UPRT: variants seen among roughly 807,000 people sequenced by gnomAD.
UPRT encodes the protein RP11-311P8.3.
UPRT carries 5 observed loss-of-function variants against 22.6 expected under a neutral mutation model. That is an observed-to-expected ratio of 0.22 (90% CI 0.12 to 0.47). UPRT has a LOEUF of 0.47. Among genes scored for constraint, UPRT ranks in the 20% least tolerant of loss-of-function variants. The pLI is 0.99. For synonymous variants in UPRT, 77 were observed against 87.7 expected (o/e 0.88, Z 0.68); for missense variants, 181 against 239.9 (o/e 0.75, Z 1.62).
At chrX:75,219,340 G>A (rs933985918) in intron 4 of UPRT, among the ~76,000 whole-genome samples, 2 of 112,234 alleles carry the variant, frequency 1.8e-5, no homozygotes, top group African/African-American at 6.5e-5. Flanking sequence ...AGGTAAAGAG[G>A]TGTGAATTCC....
At chrX:75,167,733 G>T (rs2082216606) in intron 3 of UPRT, among the ~76,000 whole-genome samples, 1 of 108,970 alleles carries the variant, frequency 9.2e-6, no homozygotes, top group African/African-American at 3.4e-5. Flanking sequence ...ATTTTAACAG[G>T]GTTTTTTGGT....
intron 4 of UPRT, among the ~76,000 whole-genome samples, chrX:75,225,323 C>CACACA (rs2082420732): frequency 1.3e-4 from 11 of 82,041 alleles, no homozygotes; most frequent in African/African-American, 3.1e-4. Flanking sequence ...AAACCAAAAA[C>CACACA]CACACACACA....
chrX:75,245,628 CAT>C (rs1439211259), intron 4 of UPRT, among the ~76,000 whole-genome samples: 1 of 112,281 alleles, frequency 8.9e-6, no homozygotes, highest in Non-Finnish European at 1.9e-5. Context: ...AGAATGACAT[CAT>C]GTGCTTTGCA....
intron 4 of UPRT, among the ~76,000 whole-genome samples, chrX:75,239,665 C>T (rs1245201025): frequency 1.8e-5 from 2 of 111,038 alleles, no homozygotes; most frequent in Non-Finnish European, 3.8e-5. Flanking sequence ...TACTACAGAC[C>T]AATATCCTGA....
intron 4 of UPRT, among the ~76,000 whole-genome samples, chrX:75,216,531 A>G (rs985725226): frequency 2.7e-5 from 3 of 112,319 alleles, no homozygotes; most frequent in Non-Finnish European, 5.6e-5. Flanking sequence ...TATAGAAGAT[A>G]AAAGCATTAA....
At chrX:75,248,998 C>G (rs1319705576) in intron 4 of UPRT, among the ~76,000 whole-genome samples, 1 of 111,317 alleles carries the variant, frequency 9.0e-6, no homozygotes, top group Non-Finnish European at 1.9e-5. Context: ...ACTTTACAGA[C>G]AAGCAAATGC....
intron 5 of UPRT, among the ~76,000 whole-genome samples, chrX:75,300,352 A>G (rs1413973653): frequency 8.9e-6 from 1 of 111,773 alleles, no homozygotes; most frequent in African/African-American, 3.3e-5. Flanking sequence ...TACCTCATAT[A>G]CTAAATGAAT....
chrX:75,177,245 A>AGTTTTCC, intron 4 of UPRT, among the ~76,000 whole-genome samples: 2 of 106,003 alleles, frequency 1.9e-5, no homozygotes, highest in African/African-American at 7.3e-5. Context: ...CAGCAGAAAC[A>AGTTTTCC]ACCCCTGCCC....
intron 4 of UPRT, among the ~76,000 whole-genome samples, chrX:75,198,207 T>A (rs1415986070): frequency 8.9e-6 from 1 of 112,683 alleles, no homozygotes; most frequent in Admixed American, 9.3e-5. Flanking sequence ...TGGAGGCATC[T>A]CCCAGACGTT....
At chrX:75,250,491 C>G (rs1243064414) in intron 4 of UPRT, among the ~76,000 whole-genome samples, 1 of 111,772 alleles carries the variant, frequency 8.9e-6, no homozygotes, top group Non-Finnish European at 1.9e-5. Flanking sequence ...GACACATACA[C>G]CCTCCCAAGA....
rs755935068 is a variant in UPRT, at chrX:75,257,818, C to T, written c.-446-33206C>T. The stretch of plus-strand genomic sequence containing the variant: ...TTGCAAGATGGCCAAATAGGAGCAG[C>T]TCCAGTCTGCAGCTCCCAATGAGAT... On this transcript the variant is annotated intron_variant, in intron 4 of 13. Coordinates refer to the UPRT transcript ENST00000652605. 1.2e-4 allele frequency among the ~76,000 whole-genome samples: 13 copies of T among 111,383 alleles called. No homozygotes were observed. In the South Asian group the frequency reaches 4.6e-3, roughly 40 times the overall value.
intron 4 of UPRT, among the ~76,000 whole-genome samples, chrX:75,206,215 C>T (rs1163832024): frequency 9.0e-6 from 1 of 110,823 alleles, no homozygotes; most frequent in Non-Finnish European, 1.9e-5. Flanking sequence ...TGTGCCTTTT[C>T]GGTGGTGGTA....
At chrX:75,228,966 A>T (rs190693116) in intron 4 of UPRT, among the ~76,000 whole-genome samples, 1 of 112,335 alleles carries the variant, frequency 8.9e-6, no homozygotes, top group African/African-American at 3.2e-5. Flanking sequence ...TCAAACTCAT[A>T]GAAGCTGAGA....
At chrX:75,265,530 T>A (rs1347092784) in intron 4 of UPRT, among the ~76,000 whole-genome samples, 1 of 112,415 alleles carries the variant, frequency 8.9e-6, no homozygotes, top group Non-Finnish European at 1.9e-5. Context: ...TTCAGCTCTG[T>A]CAGGTCCTTT....
intron 4 of UPRT, among the ~76,000 whole-genome samples, chrX:75,193,116 T>G (rs2082321387): frequency 8.9e-6 from 1 of 112,304 alleles, no homozygotes; most frequent in Non-Finnish European, 1.9e-5. Context: ...GCCTTTTGTT[T>G]CCATATTTAG....
intron 4 of UPRT, among the ~76,000 whole-genome samples, chrX:75,245,105 A>G (rs1184495322): frequency 1.2e-4 from 13 of 110,984 alleles, no homozygotes; most frequent in African/African-American, 3.9e-4. Context: ...CCCCATTAAA[A>G]TGTGGGCAAA....
chrX:75,203,037 C>G (rs1186587688), intron 4 of UPRT, among the ~76,000 whole-genome samples: 22 of 111,659 alleles, frequency 2.0e-4, no homozygotes, highest in Non-Finnish European at 3.9e-4. Context: ...CATCAGTGTA[C>G]TGTATTCAAG....
chrX:75,184,654 T>C (rs1377496159), intron 4 of UPRT, among the ~76,000 whole-genome samples: 1 of 108,089 alleles, frequency 9.3e-6, no homozygotes, highest in Non-Finnish European at 1.9e-5. Flanking sequence ...TTCCTACCCA[T>C]GAGCATGGAA....
At chrX:75,188,967 C>G (rs973733480) in intron 4 of UPRT, among the ~76,000 whole-genome samples, 1 of 112,231 alleles carries the variant, frequency 8.9e-6, no homozygotes. Context: ...ATGCAGAAAT[C>G]ACCCATCTTC....
Sources: allele counts gnomAD v4.1 joint callset (sites outside exome capture counted in the v4.1 genomes callset), GRCh38; gene constraint gnomAD v4.1.1; transcripts MANE v1.5; gene names NCBI Gene and HGNC (gene_info 2026-07-23, HGNC 2026-07-21).